The following GPC5 variants were observed in gnomAD, a reference collection of about 807,000 sequenced individuals.
GPC5 encodes the protein glypican-5.
In GPC5, 47 loss-of-function variants were observed where a neutral mutation model predicts 53.9. That is an observed-to-expected ratio of 0.87 (90% CI 0.69 to 1.11). GPC5 has a LOEUF of 1.11. Ranked by LOEUF, GPC5 falls within the 50% of genes most tolerant of loss-of-function variation. The pLI, the probability that GPC5 is intolerant of heterozygous loss-of-function variation, is 0.00. For missense variants in GPC5, 748 were observed against 713.1 expected, an observed-to-expected ratio of 1.05 and a Z score of -0.56; for synonymous variants, 286 against 263.3, an observed-to-expected ratio of 1.09 and a Z score of -0.84.
intron 7 of GPC5, among the ~76,000 whole-genome samples, chr13:92,282,975 C>A (rs931417352): frequency 1.5e-4 from 23 of 152,188 alleles, no homozygotes; most frequent in Non-Finnish European, 2.9e-4. Flanking sequence ...CAAGACCCAT[C>A]AGTGTGCTGT....
At chr13:92,263,953 C>G (rs1436150034) in intron 7 of GPC5, among the ~76,000 whole-genome samples, 2 of 152,106 alleles carry the variant, frequency 1.3e-5, no homozygotes, top group African/African-American at 4.8e-5. Flanking sequence ...AATTGTATGT[C>G]TCAAAATTCC....
At chr13:91,449,296 G>A (rs1487632106) in intron 2 of GPC5, among the ~76,000 whole-genome samples, 2 of 151,800 alleles carry the variant, frequency 1.3e-5, no homozygotes, top group African/African-American at 2.4e-5. Context: ...CTTTTTACTG[G>A]GTAATTATAG....
intron 7 of GPC5, among the ~76,000 whole-genome samples, chr13:92,158,838 A>G (rs1240506434): frequency 6.6e-6 from 1 of 152,130 alleles, no homozygotes; most frequent in Non-Finnish European, 1.5e-5. Context: ...CTCTAAGGAG[A>G]GGAGGCTGGT....
chr13:92,267,964 T>C (rs2042813819), intron 7 of GPC5, among the ~76,000 whole-genome samples: 1 of 152,134 alleles, frequency 6.6e-6, no homozygotes, highest in Admixed American at 6.5e-5. Context: ...TTTAGTCTAA[T>C]AGTGCCAAAG....
intron 6 of GPC5, among the ~76,000 whole-genome samples, chr13:92,043,018 T>C (rs1423283021): frequency 1.3e-5 from 2 of 152,060 alleles, no homozygotes; most frequent in Non-Finnish European, 2.9e-5. Context: ...GGTACACAGA[T>C]GAAAGAATCA....
intron 2 of GPC5, among the ~76,000 whole-genome samples, chr13:91,636,055 A>G (rs947293484): frequency 6.6e-6 from 1 of 151,860 alleles, no homozygotes; most frequent in Non-Finnish European, 1.5e-5. Flanking sequence ...TTATATTTTT[A>G]TTTAACAGCG....
At chr13:92,603,030 C>A (rs1348822603) in intron 7 of GPC5, among the ~76,000 whole-genome samples, 1 of 152,182 alleles carries the variant, frequency 6.6e-6, no homozygotes, top group Non-Finnish European at 1.5e-5. Context: ...GGAAGCCCAT[C>A]TGAGCCTATG....
At chr13:91,528,344 T>C (rs1228288758) in intron 2 of GPC5, among the ~76,000 whole-genome samples, 2 of 152,192 alleles carry the variant, frequency 1.3e-5, no homozygotes, top group African/African-American at 4.8e-5. Context: ...AAGTTCAAAG[T>C]TTCACAGATC....
chr13:92,219,027 T>A (rs1345890211), intron 7 of GPC5, among the ~76,000 whole-genome samples: 18 of 152,192 alleles, frequency 1.2e-4, no homozygotes, highest in Admixed American at 1.2e-3. Context: ...CTACTTTCCA[T>A]GACTATTGAT....
intron 7 of GPC5, among the ~76,000 whole-genome samples, chr13:92,802,387 CT>C (rs914770545): frequency 4.2e-4 from 64 of 150,750 alleles, no homozygotes; most frequent in African/African-American, 9.2e-4. Context: ...AGGACTATGT[CT>C]TTTTTTTTGT....
chr13:92,118,526 G>T (rs1182711378), intron 6 of GPC5, among the ~76,000 whole-genome samples: 1 of 152,102 alleles, frequency 6.6e-6, no homozygotes, highest in Non-Finnish European at 1.5e-5. Flanking sequence ...CTTCCAGGTA[G>T]AGCTGAGTGG....
intron 6 of GPC5, among the ~76,000 whole-genome samples, chr13:92,131,736 C>A (rs1045065558): frequency 6.6e-6 from 1 of 151,658 alleles, no homozygotes; most frequent in Non-Finnish European, 1.5e-5. Flanking sequence ...TGGGGTATTT[C>A]TAAGATGATT....
At chr13:91,618,382 T>G (rs745478465) in intron 2 of GPC5, among the ~76,000 whole-genome samples, 5 of 152,110 alleles carry the variant, frequency 3.3e-5, no homozygotes, top group Non-Finnish European at 7.4e-5. Flanking sequence ...GGCTGTGTCT[T>G]GGGACCAGTT....
chr13:92,643,005 A>C (rs540579474), intron 7 of GPC5, among the ~76,000 whole-genome samples: 1 of 152,310 alleles, frequency 6.6e-6, no homozygotes, highest in South Asian at 2.1e-4. Context: ...AAACACACAT[A>C]GCTGCATAAA....
At chr13:91,920,768 T>C (rs989676675) in intron 6 of GPC5, among the ~76,000 whole-genome samples, 2 of 152,100 alleles carry the variant, frequency 1.3e-5, no homozygotes, top group African/African-American at 4.8e-5. Flanking sequence ...GCATAAAAAA[T>C]GCCTTCAAAT....
At chr13:92,190,596 T>C (rs1388766518) in intron 7 of GPC5, among the ~76,000 whole-genome samples, 3 of 152,114 alleles carry the variant, frequency 2.0e-5, no homozygotes, top group Admixed American at 2.0e-4. Flanking sequence ...TTAGGAAGAT[T>C]TTGTTATAAA....
In GPC5 at chr13:91,693,329, T is replaced by C. The variant is rs959720123; in HGVS notation, c.468T>C (p.Asp156=). 6.2e-7 allele frequency: 1 copy of C among 1,614,050 alleles called. No individual in the cohort carries two copies. Among genetic ancestry groups the C allele is most frequent in the African/African-American group, 1.3e-5 (1 of 74,934 alleles). The change falls in exon 3 of 8, where the codon GAT becomes GAC. Residue 156 remains aspartate (D), a synonymous_variant. Coordinates refer to ENST00000377067, the MANE Select transcript of GPC5 (RefSeq NM_004466.6). ...TGGGGCTGTATTTATTTGGTGCGGA[T>C]GTTAATCCTGAAGAATTTGTAAACA... is the stretch of plus-strand genomic sequence containing the variant. ...TDVGLYLFGA[D]VNPEEFVNRF... is the part of the protein sequence containing the mutation.
intron 7 of GPC5, among the ~76,000 whole-genome samples, chr13:92,585,182 A>G (rs886128074): frequency 5.3e-5 from 8 of 152,030 alleles, no homozygotes; most frequent in Non-Finnish European, 1.0e-4. Flanking sequence ...GTCAGCTTGT[A>G]CCATGCGCCT....
At chr13:92,678,874 G>A (rs559147154) in intron 7 of GPC5, among the ~76,000 whole-genome samples, 2 of 152,124 alleles carry the variant, frequency 1.3e-5, no homozygotes, top group Non-Finnish European at 2.9e-5. Flanking sequence ...GAGAGAAGTG[G>A]TCATATTTTG....
Sources: gnomAD v4.1 joint callset for allele counts (sites outside exome capture counted in the v4.1 genomes callset) on GRCh38, gnomAD v4.1.1 for gene constraint, MANE v1.5 for transcripts, NCBI Gene and HGNC (gene_info 2026-07-23, HGNC 2026-07-21) for gene names.